The following CTNND2 variants were observed in gnomAD, a reference collection of about 807,000 sequenced individuals.
CTNND2 encodes catenin delta-2.
A neutral mutation model predicts 144.4 loss-of-function variants in CTNND2; 22 were observed. That is an observed-to-expected ratio of 0.15 (90% CI 0.11 to 0.22). CTNND2 has a LOEUF of 0.22. Among genes scored for constraint, CTNND2 ranks in the 10% least tolerant of loss-of-function variants. CTNND2 has a pLI of 1.00. For missense variants in CTNND2, 1,353 were observed against 1,618.8 expected (o/e 0.84, Z 2.82); for synonymous variants, 751 against 695.6 (o/e 1.08, Z -1.25).
At chr5:11,269,674 A>G (rs961448505) in intron 9 of CTNND2, among the ~76,000 whole-genome samples, 4 of 152,188 alleles carry the variant, frequency 2.6e-5, no homozygotes, top group African/African-American at 9.7e-5. Context: ...GTTGGCATAA[A>G]TGTCAATATT....
rs372561750 is a variant in CTNND2 at position 11,023,013 on chromosome 5, A to T, written c.2789-34T>A. The T allele has an allele frequency of 2.6e-5, 42 of 1,600,434 alleles. No individual in the cohort carries two copies. In the African/African-American group the frequency reaches 5.2e-4, roughly 20 times the overall value. The stretch of plus-strand genomic sequence containing the variant: ...GAAAATAAAGAGAAGAGTTGAAAGG[A>T]GGTCAAGGTGAAGGCAGAGATAGTG... On this transcript the variant is annotated intron_variant, in intron 16 of 21. Transcript: ENST00000304623.
intron 10 of CTNND2, among the ~76,000 whole-genome samples, chr5:11,230,609 G>A (rs1031164670): frequency 2.0e-5 from 3 of 152,116 alleles, no homozygotes; most frequent in African/African-American, 7.2e-5. Context: ...CTCCATCTCA[G>A]ATATTCATTC....
chr5:11,642,808 C>T (rs978215504), intron 2 of CTNND2, among the ~76,000 whole-genome samples: 2 of 152,250 alleles, frequency 1.3e-5, no homozygotes, highest in Non-Finnish European at 2.9e-5. Context: ...AAATACTCCT[C>T]AACCCCTGAA....
intron 9 of CTNND2, among the ~76,000 whole-genome samples, chr5:11,335,261 A>G (rs32138): frequency 0.71 from 107,770 of 152,102 alleles, 38,713 homozygotes; most frequent in African/African-American, 0.81. Flanking sequence ...TATCAAGGTC[A>G]GTATCTCCAA....
At chr5:11,454,345 G>A (rs1765545198) in intron 3 of CTNND2, among the ~76,000 whole-genome samples, 1 of 152,020 alleles carries the variant, frequency 6.6e-6, no homozygotes, top group Non-Finnish European at 1.5e-5. Flanking sequence ...GCTTGAACCC[G>A]GGAGGCAGAG....
chr5:11,356,750 A>C (rs1390783427), intron 8 of CTNND2, among the ~76,000 whole-genome samples: 1 of 151,984 alleles, frequency 6.6e-6, no homozygotes, highest in African/African-American at 2.4e-5. Context: ...CAATCTATAG[A>C]ATGCGAGAAG....
chr5:10,981,161 G>A (rs115294361), intron 21 of CTNND2, among the ~76,000 whole-genome samples: 1 of 152,294 alleles, frequency 6.6e-6, no homozygotes, highest in South Asian at 2.1e-4. Flanking sequence ...AATCTTGGAC[G>A]GGTTAGGGTT....
At chr5:11,784,727 C>T (rs551973727) in intron 1 of CTNND2, among the ~76,000 whole-genome samples, 60 of 152,274 alleles carry the variant, frequency 3.9e-4, no homozygotes, top group African/African-American at 1.4e-3. Context: ...TTAGAAGAAG[C>T]AAACCCCATG....
At position 11,300,605 on chromosome 5, in the gene CTNND2, T is replaced by G. The variant is rs150124162; in HGVS notation, c.1628+45767A>C. Reference sequence around the variant, plus strand: ...AGTAATACAGGACACCCAGTTAAATTTGCATTTTAGACAAACAACTTTTTT... The same window carrying G: ...AGTAATACAGGACACCCAGTTAAATGTGCATTTTAGACAAACAACTTTTTT... On this transcript the variant is annotated intron_variant, in intron 9 of 21. Transcript: ENST00000304623. Among the ~76,000 whole-genome samples, 656 of 151,776 alleles carry G rather than the reference T, an allele frequency of 4.3e-3. 18 individuals carry two copies. Among genetic ancestry groups the G allele is most frequent in the East Asian group, 8.1e-3 (42 of 5,162 alleles).
At chr5:11,367,151 T>G (rs1435177638) in intron 7 of CTNND2, among the ~76,000 whole-genome samples, 1 of 152,264 alleles carries the variant, frequency 6.6e-6, no homozygotes, top group Admixed American at 6.5e-5. Context: ...GTTGCATATG[T>G]AAGCCTTATG....
chr5:11,316,892 G>A (rs1751566306), intron 9 of CTNND2, among the ~76,000 whole-genome samples: 1 of 152,026 alleles, frequency 6.6e-6, no homozygotes, highest in Non-Finnish European at 1.5e-5. Flanking sequence ...GTCTATCGTT[G>A]TTGGACATTT....
intron 18 of CTNND2, among the ~76,000 whole-genome samples, chr5:11,004,557 AGTT>A (rs1468599432): frequency 3.3e-5 from 5 of 152,132 alleles, no homozygotes; most frequent in African/African-American, 1.2e-4. Context: ...TGAGATCGGG[AGTT>A]TGAGATCAGC....
At chr5:11,663,362 A>G (rs140865093) in intron 2 of CTNND2, among the ~76,000 whole-genome samples, 1 of 152,222 alleles carries the variant, frequency 6.6e-6, no homozygotes, top group African/African-American at 2.4e-5. Flanking sequence ...ATCTGCAATC[A>G]ACATTTTAAT....
chr5:11,163,249 A>G (rs1039972647), intron 11 of CTNND2, among the ~76,000 whole-genome samples: 2 of 152,160 alleles, frequency 1.3e-5, no homozygotes, highest in Non-Finnish European at 2.9e-5. Context: ...TCAGATTGTT[A>G]TTTGAGGGGA....
chr5:11,857,720 G>A (rs1385106143), intron 1 of CTNND2, among the ~76,000 whole-genome samples: 1 of 152,168 alleles, frequency 6.6e-6, no homozygotes, highest in Admixed American at 6.5e-5. Flanking sequence ...TATTGGATCA[G>A]GGACTACCTA....
At chr5:11,632,444 C>T (rs943856248) in intron 2 of CTNND2, among the ~76,000 whole-genome samples, 30 of 152,300 alleles carry the variant, frequency 2.0e-4, no homozygotes, top group African/African-American at 7.2e-4. Context: ...ATAAACTATT[C>T]CAGTCAAGTT....
At chr5:11,665,548 T>A (rs1042208991) in intron 2 of CTNND2, among the ~76,000 whole-genome samples, 2 of 152,200 alleles carry the variant, frequency 1.3e-5, no homozygotes, top group Non-Finnish European at 2.9e-5. Flanking sequence ...TCTTGTTTCA[T>A]TAGTAATTTG....
At chr5:10,989,011 T>C (rs879400519) in intron 19 of CTNND2, among the ~76,000 whole-genome samples, 2 of 152,120 alleles carry the variant, frequency 1.3e-5, no homozygotes, top group Admixed American at 1.3e-4. Flanking sequence ...AAGTGCTGGG[T>C]TGTAATTGGA....
chr5:11,903,983 G>A lies in CTNND2; in HGVS notation c.-130C>T. 1 of 1,104,384 alleles carries A rather than the reference G, an allele frequency of 9.1e-7. No homozygotes were observed. Among genetic ancestry groups the A allele is most frequent in the East Asian group, 3.4e-5 (1 of 29,450 alleles). 68.4% of individuals were successfully genotyped at this position (1,104,384 alleles called of 1,614,324 possible). On this transcript the variant is annotated 5_prime_UTR_variant, in exon 1 of 22. Transcript: ENST00000304623. The surrounding 1 kb of genome is among the most constrained non-coding windows in gnomAD (Gnocchi z 5.4). ...TTTTGTTGTCTGAGCGCGGCCGCGG[G>A]ACAAGGGATGCTGGCGGGCGGCAGG...
Sources: allele counts gnomAD v4.1 joint callset (sites outside exome capture counted in the v4.1 genomes callset), GRCh38; gene constraint gnomAD v4.1.1; non-coding constraint Gnocchi (gnomAD v3.1); transcripts MANE v1.5; gene names NCBI Gene and HGNC (gene_info 2026-07-23, HGNC 2026-07-21).